The following DNAJC11 variants were observed in gnomAD, a reference collection of about 807,000 sequenced individuals.
DNAJC11 encodes the protein DnaJ heat shock protein family (Hsp40) member C11.
A neutral mutation model predicts 78.6 loss-of-function variants in DNAJC11; 15 were observed. That is an observed-to-expected ratio of 0.19 (90% CI 0.13 to 0.29). The LOEUF (loss-of-function observed/expected upper bound fraction) is 0.29, where lower values mean the gene tolerates loss of function less well. DNAJC11 is among the 10% of genes least tolerant of loss of function. The pLI, the probability that DNAJC11 is intolerant of heterozygous loss-of-function variation, is 1.00. For synonymous variants in DNAJC11, 292 were observed against 272.1 expected, an observed-to-expected ratio of 1.07 and a Z score of -0.72; for missense variants, 547 against 709.6, an observed-to-expected ratio of 0.77 and a Z score of 2.60.
At chr1:6,659,825 A>C (rs1642181700) in intron 4 of DNAJC11, among the ~76,000 whole-genome samples, 1 of 151,890 alleles carries the variant, frequency 6.6e-6, no homozygotes, top group Admixed American at 6.6e-5. Context: ...TGGGAGGCTG[A>C]GGCGGGCAGA....
At chr1:6,679,607 A>G (rs943174983) in intron 2 of DNAJC11, among the ~76,000 whole-genome samples, 2 of 152,378 alleles carry the variant, frequency 1.3e-5, no homozygotes, top group Non-Finnish European at 2.9e-5. Context: ...TCTAACGGGA[A>G]AGGAAGAAAT....
At chr1:6,685,732 T>A (rs1642646169) in intron 1 of DNAJC11, among the ~76,000 whole-genome samples, 1 of 152,210 alleles carries the variant, frequency 6.6e-6, no homozygotes, top group Non-Finnish European at 1.5e-5. Context: ...CCACCTTTGT[T>A]TTATACTGGA....
chr1:6,677,158 C>CAAAAAAAAAAAAAAAAAAAAAA, intron 3 of DNAJC11, among the ~76,000 whole-genome samples: 1 of 49,480 alleles, frequency 2.0e-5, no homozygotes, highest in Non-Finnish European at 4.1e-5. Flanking sequence ...AACTTGGTCT[C>CAAAAAAAAAAAAAAAAAAAAAA]AAAAAAAAAA....
chr1:6,636,273 A>G, intron 14 of DNAJC11, 27 bp from the exon 15 acceptor site: 3 of 1,612,634 alleles, frequency 1.9e-6, no homozygotes, highest in Middle Eastern at 1.7e-4. Context: ...GCTACTCTCA[A>G]TACTCCAGAC....
intron 7 of DNAJC11, among the ~76,000 whole-genome samples, chr1:6,648,290 G>C (rs1023709002): frequency 2.0e-5 from 3 of 152,132 alleles, no homozygotes; most frequent in African/African-American, 4.8e-5. Flanking sequence ...CAAGTAGCTG[G>C]AATTACAGGT....
chr1:6,654,345 C>T (rs140164005), intron 4 of DNAJC11: 1 of 211,118 alleles, frequency 4.7e-6, no homozygotes, highest in African/African-American at 2.3e-5. Context: ...AAGAGCTAGA[C>T]AGTTTGATTT....
At chr1:6,697,303 T>C (rs192077936) in intron 1 of DNAJC11, among the ~76,000 whole-genome samples, 3 of 152,290 alleles carry the variant, frequency 2.0e-5, no homozygotes, top group East Asian at 3.9e-4. Flanking sequence ...TGCTTCACTC[T>C]CTCCAACGGC....
intron 4 of DNAJC11, among the ~76,000 whole-genome samples, chr1:6,666,458 C>A (rs1377596665): frequency 1.4e-5 from 2 of 146,018 alleles, no homozygotes; most frequent in East Asian, 4.1e-4. Context: ...ATGATCTTGG[C>A]TCACCACAAC....
At chr1:6,637,618 G>A in intron 12 of DNAJC11, 114 bp from the exon 13 acceptor site, 1 of 1,227,532 alleles carries the variant, frequency 8.1e-7, no homozygotes, top group Non-Finnish European at 1.2e-6. Flanking sequence ...TCAGGGCCTG[G>A]AAAGGAAGGG....
At chr1:6,662,136 T>G (rs1356314315) in intron 4 of DNAJC11, among the ~76,000 whole-genome samples, 17 of 140,166 alleles carry the variant, frequency 1.2e-4, no homozygotes, top group Admixed American at 1.0e-3. Flanking sequence ...TTGTTTTTTG[T>G]TTTTTTTTTT....
chr1:6,681,472 C>A (rs1216238937), intron 1 of DNAJC11, among the ~76,000 whole-genome samples: 1 of 152,192 alleles, frequency 6.6e-6, no homozygotes, highest in African/African-American at 2.4e-5. Context: ...GAACATGAAT[C>A]CTTGAAATTC....
intron 1 of DNAJC11, among the ~76,000 whole-genome samples, chr1:6,688,549 C>T (rs761649002): frequency 1.3e-5 from 2 of 152,062 alleles, no homozygotes; most frequent in Non-Finnish European, 1.5e-5. Flanking sequence ...CTATTCCCCA[C>T]CCCCCAAAAA....
At chr1:6,665,236 T>C (rs1235319744) in intron 4 of DNAJC11, among the ~76,000 whole-genome samples, 1 of 152,098 alleles carries the variant, frequency 6.6e-6, no homozygotes, top group African/African-American at 2.4e-5. Context: ...CTCAGCTAAT[T>C]TGTAAATATT....
intron 1 of DNAJC11, among the ~76,000 whole-genome samples, chr1:6,690,690 T>C (rs896458271): frequency 6.6e-6 from 1 of 152,142 alleles, no homozygotes; most frequent in Admixed American, 6.6e-5. Context: ...TTTGGGAGGC[T>C]GAGGTGGGCG....
At chr1:6,643,256 C>T (rs1214902506) in intron 10 of DNAJC11, among the ~76,000 whole-genome samples, 9 of 149,952 alleles carry the variant, frequency 6.0e-5, no homozygotes, top group Admixed American at 4.1e-4. Context: ...AGAAAGAAGA[C>T]GGATGCAAGC....
intron 3 of DNAJC11, among the ~76,000 whole-genome samples, chr1:6,674,712 A>G (rs1177398098): frequency 6.6e-6 from 1 of 151,946 alleles, no homozygotes. Context: ...TGGGTGACAA[A>G]GTGAGACTCT....
At chr1:6,666,852 A>G (rs1557479019) in intron 4 of DNAJC11, among the ~76,000 whole-genome samples, 1 of 152,190 alleles carries the variant, frequency 6.6e-6, no homozygotes, top group Non-Finnish European at 1.5e-5. Flanking sequence ...GCTCCTTATC[A>G]TGACAGATAC....
At chr1:6,665,887 G>A (rs148359641) in intron 4 of DNAJC11, among the ~76,000 whole-genome samples, 3 of 151,974 alleles carry the variant, frequency 2.0e-5, no homozygotes, top group African/African-American at 7.2e-5. Context: ...TGCCAATACC[G>A]ACCTTCCAAG....
chr1:6,692,774 C>T (rs1266915785), intron 1 of DNAJC11, among the ~76,000 whole-genome samples: 1 of 151,998 alleles, frequency 6.6e-6, no homozygotes, highest in African/African-American at 2.4e-5. Context: ...CCACGCCTGG[C>T]TAATTTTTGT....
Sources: gnomAD v4.1 joint callset for allele counts (sites outside exome capture counted in the v4.1 genomes callset) on GRCh38, gnomAD v4.1.1 for gene constraint, MANE v1.5 for transcripts, NCBI Gene and HGNC (gene_info 2026-07-23, HGNC 2026-07-21) for gene names.